The following ZNF652 variants were observed in gnomAD, a reference collection of about 807,000 sequenced individuals.
ZNF652 encodes the protein zinc finger protein 652.
Under a neutral mutation model 45.2 loss-of-function variants are expected in ZNF652, and 16 were observed. The observed-to-expected ratio is 0.35, with a 90% CI of 0.24 to 0.54. The LOEUF is 0.54. Among genes scored for constraint, ZNF652 ranks in the 20% least tolerant of loss-of-function variants. The probability of loss-of-function intolerance (pLI) is 0.91; values close to 1 mark genes in which losing one functional copy is unlikely to be tolerated. For missense variants in ZNF652, 614 were observed against 765.6 expected, an observed-to-expected ratio of 0.80 and a Z score of 2.34; for synonymous variants, 250 against 260.6, an observed-to-expected ratio of 0.96 and a Z score of 0.39.
At chr17:49,344,185 A>G (rs1053009444) in intron 1 of ZNF652, among the ~76,000 whole-genome samples, 9 of 146,770 alleles carry the variant, frequency 6.1e-5, no homozygotes, top group Non-Finnish European at 1.2e-4. Flanking sequence ...TGGGGGACAG[A>G]GCGAGACTCC....
chr17:49,356,997 TAA>T (rs34251428), intron 1 of ZNF652, among the ~76,000 whole-genome samples: 24 of 138,636 alleles, frequency 1.7e-4, no homozygotes, highest in Non-Finnish European at 9.4e-5. Context: ...AACTATGTTT[TAA>T]AAAAAAAAAA....
At chr17:49,336,942 GTTTTTTTT>G (rs200178711) in intron 1 of ZNF652, among the ~76,000 whole-genome samples, 20 of 115,172 alleles carry the variant, frequency 1.7e-4, no homozygotes, top group African/African-American at 4.2e-4. Flanking sequence ...TCTTAATGGT[GTTTTTTTT>G]TTTTTTTTTT....
intron 1 of ZNF652, among the ~76,000 whole-genome samples, chr17:49,344,139 T>G (rs866849030): frequency 6.6e-6 from 1 of 151,872 alleles, no homozygotes; most frequent in African/African-American, 2.4e-5. Flanking sequence ...AGGCGGAGCT[T>G]GCAGTGAGCC....
At chr17:49,348,639 C>T (rs1254254834) in intron 1 of ZNF652, among the ~76,000 whole-genome samples, 1 of 152,062 alleles carries the variant, frequency 6.6e-6, no homozygotes, top group African/African-American at 2.4e-5. Flanking sequence ...TTCAAACAAA[C>T]TGAAAAAACA....
intron 1 of ZNF652, among the ~76,000 whole-genome samples, chr17:49,350,139 A>G (rs907168266): frequency 2.6e-5 from 4 of 152,208 alleles, no homozygotes; most frequent in Admixed American, 2.6e-4. Flanking sequence ...TGAGAAACAC[A>G]CTATGGTTAT....
rs530297898 is a variant in ZNF652 at position 49,296,157 on chromosome 17, A to G, written c.*2256T>C. The G allele has an allele frequency of 2.6e-5, 4 of 152,556 alleles. No homozygotes were observed. The highest frequency in any genetic ancestry group is 9.6e-5 in the African/African-American group (4 of 41,558). The allele number at this position is 152,556 out of a possible 1,614,324, so 9.5% of individuals were successfully genotyped here. Reference sequence around the variant, plus strand: ...ACTAAAGATATAACAGTCATATGCAAGGAATTAACTTTCCTTATTGGCTTG... The same window carrying G: ...ACTAAAGATATAACAGTCATATGCAGGGAATTAACTTTCCTTATTGGCTTG... On this transcript the variant is annotated 3_prime_UTR_variant, in exon 6 of 6. Coordinates refer to ENST00000430262, the MANE Select transcript of ZNF652 (RefSeq NM_001145365.3).
intron 1 of ZNF652, among the ~76,000 whole-genome samples, chr17:49,333,906 T>C (rs376687174): frequency 7.9e-5 from 12 of 152,018 alleles, no homozygotes; most frequent in South Asian, 6.2e-4. Context: ...TGTGAAGATA[T>C]TGGAAGCCTC....
chr17:49,339,196 AATTTTTT>A (rs1464933347), intron 1 of ZNF652, among the ~76,000 whole-genome samples: 2 of 101,772 alleles, frequency 2.0e-5, no homozygotes, highest in East Asian at 2.7e-4. Context: ...TGAGTTAGGA[AATTTTTT>A]TTTTTTTTTT....
At chr17:49,361,621 G>A (rs995038340) in intron 1 of ZNF652, among the ~76,000 whole-genome samples, 1 of 152,074 alleles carries the variant, frequency 6.6e-6, no homozygotes, top group Non-Finnish European at 1.5e-5. Context: ...CAGGCCTCAG[G>A]GCGAGCGGAC....
rs2069470212 is a variant in ZNF652 at position 49,295,961 on chromosome 17, A to AC, written c.*2451_*2452insG. On this transcript the variant is annotated 3_prime_UTR_variant, in exon 6 of 6. Transcript: ENST00000430262. Reference sequence around the variant, plus strand: ...TCAAAAAAAAAAAAAAAAAAAAAAAAAAAACAGAACAAAATATAACCAATT... The same window carrying AC: ...TCAAAAAAAAAAAAAAAAAAAAAAAACAAAACAGAACAAAATATAACCAATT... The AC allele has an allele frequency of 6.6e-6, 1 of 150,584 alleles. No individual in the cohort carries two copies. Among genetic ancestry groups the AC allele is most frequent in the Non-Finnish European group, 1.5e-5 (1 of 67,662 alleles). 9.3% of individuals were successfully genotyped at this position (150,584 alleles called of 1,614,324 possible). A position where few individuals can be genotyped will look rare whatever the true frequency, so the allele number is the denominator to read the frequency against.
rs146430063 is a variant in ZNF652 at position 49,311,293 on chromosome 17, T to C, written c.1309+19A>G. 114 of 1,613,158 alleles carry C rather than the reference T, an allele frequency of 7.1e-5. 1 individual carries two copies. The East Asian group carries it at 2.5e-3, about 35-fold the overall frequency. On this transcript the variant is annotated intron_variant, in intron 5 of 5. Transcript: ENST00000430262. ...AAGTGCTTGAGACATTATCTGTACC[T>C]TTCCCAAGAAATTCTTACCAGTGTG...
At chr17:49,350,989 A>G (rs1362815783) in intron 1 of ZNF652, among the ~76,000 whole-genome samples, 246 of 20,232 alleles carry the variant, frequency 0.012, 9 homozygotes, top group African/African-American at 0.035. Flanking sequence ...ATATATATAT[A>G]TATATATATA....
At chr17:49,327,767 ATATATATATATATTTT>A (rs1567690528) in intron 1 of ZNF652, among the ~76,000 whole-genome samples, 6 of 4,894 alleles carry the variant, frequency 1.2e-3, no homozygotes, top group Non-Finnish European at 2.0e-3. Context: ...ATATATATAT[ATATATATATATATTTT>A]TTTTTTTTTT....
In ZNF652 at chr17:49,351,004, TATATATATATACACACACACACAC is replaced by T. The variant is rs1327561241; in HGVS notation, c.-259+10881_-259+10904del. ...ATATATATATATATATATATATATA[TATATATATATACACACACACACAC>T]ACACACACACACACACACACACACA... On this transcript the variant is annotated intron_variant, in intron 1 of 5. Transcript: ENST00000430262. Among the ~76,000 whole-genome samples, 50 of 21,078 alleles carry T rather than the reference TATATATATATACACACACACACAC, an allele frequency of 2.4e-3. 2 individuals carry two copies. Among genetic ancestry groups the T allele is most frequent in the Admixed American group, 0.019 (44 of 2,360 alleles). The allele number at this position is 21,078 out of a possible 152,430, so 13.8% of individuals were successfully genotyped here.
chr17:49,343,364 T>TA (rs1275412230), intron 1 of ZNF652, among the ~76,000 whole-genome samples: 3 of 152,174 alleles, frequency 2.0e-5, no homozygotes, highest in African/African-American at 7.2e-5. Context: ...ATAAATCCAT[T>TA]AGTAACCTTA....
At chr17:49,338,010 CAG>C (rs954846223) in intron 1 of ZNF652, among the ~76,000 whole-genome samples, 1 of 152,080 alleles carries the variant, frequency 6.6e-6, no homozygotes, top group Non-Finnish European at 1.5e-5. Flanking sequence ...GTTTTTGAGA[CAG>C]AGTCTCACTC....
rs995339282 is a variant in ZNF652 at position 49,318,445 on chromosome 17, T to C, written c.-258-462A>G. On this transcript the variant is annotated intron_variant, in intron 1 of 5. Transcript: ENST00000430262. ...AATGTTTCAGTATGAGCCATTATTTTACTGGATTACAGGAATTCATAAACA... is the reference window on the plus strand; with the variant it reads ...AATGTTTCAGTATGAGCCATTATTTCACTGGATTACAGGAATTCATAAACA... Among the ~76,000 whole-genome samples, 9 of 152,228 alleles carry C rather than the reference T, an allele frequency of 5.9e-5. No homozygotes were observed. In the South Asian group the frequency reaches 1.9e-3, roughly 32 times the overall value.
At chr17:49,307,079 C>T (rs2069639288) in intron 5 of ZNF652, among the ~76,000 whole-genome samples, 1 of 151,860 alleles carries the variant, frequency 6.6e-6, no homozygotes, top group Admixed American at 6.6e-5. Flanking sequence ...AGTAGAAAAA[C>T]TGGAAACAGA....
At position 49,291,147 on chromosome 17, in the gene ZNF652, G is replaced by A. The variant is rs1317010037; in HGVS notation, c.*7266C>T. 6.6e-6 allele frequency: 1 copy of A among 152,160 alleles called. No homozygotes were observed. The highest frequency in any genetic ancestry group is 1.5e-5 in the Non-Finnish European group (1 of 68,018). 9.4% of individuals were successfully genotyped at this position (152,160 alleles called of 1,614,324 possible). ...GAGCATGAAAAGATATTTCTAGGAG[G>A]GTTAGGAGCTCTAGCAGAATAAAAT... is the stretch of plus-strand genomic sequence containing the variant. On this transcript the variant is annotated 3_prime_UTR_variant, in exon 6 of 6. Coordinates refer to ENST00000430262, the MANE Select transcript of ZNF652 (RefSeq NM_001145365.3).
Sources: gnomAD v4.1 joint callset for allele counts (sites outside exome capture counted in the v4.1 genomes callset) on GRCh38, gnomAD v4.1.1 for gene constraint, MANE v1.5 for transcripts, NCBI Gene and HGNC (gene_info 2026-07-23, HGNC 2026-07-21) for gene names.